AGBL1: variants seen among roughly 807,000 people sequenced by gnomAD.
AGBL1 encodes cytosolic carboxypeptidase 4.
AGBL1 carries 130 observed loss-of-function variants against 118.9 expected under a neutral mutation model. The ratio of observed to expected loss-of-function variants is 1.09; its 90% CI spans 0.95 to 1.26. AGBL1 has a LOEUF of 1.26. Ranked by LOEUF, AGBL1 falls within the 50% of genes most tolerant of loss-of-function variation. The pLI is 0.00. For missense variants in AGBL1, 1,584 were observed against 1,298.1 expected (o/e 1.22, Z -3.38); for synonymous variants, 555 against 478.9 (o/e 1.16, Z -2.08).
intron 24 of AGBL1, among the ~76,000 whole-genome samples, chr15:87,012,775 G>A (rs567657535): frequency 2.0e-5 from 3 of 152,108 alleles, no homozygotes; most frequent in African/African-American, 7.2e-5. Context: ...AATAAAAAGT[G>A]AAACCTGAAA....
At chr15:86,361,065 G>A (rs1228510767) in intron 17 of AGBL1, among the ~76,000 whole-genome samples, 1 of 151,400 alleles carries the variant, frequency 6.6e-6, no homozygotes, top group African/African-American at 2.4e-5. Context: ...ATTTATTTGA[G>A]ATCTTTCTTC....
rs2084140058 is a variant in AGBL1, at chr15:86,579,213, T to C, written c.2994+24676T>C. On this transcript the variant is annotated intron_variant, in intron 21 of 22. Coordinates refer to ENST00000614907, the MANE Select transcript of AGBL1 (RefSeq NM_001386094.1). ...TGGGACAAGCAGTTATTGCATTACGTTGCAAATTTTGTGTCTAAAAAGATC... is the reference window on the plus strand; with the variant it reads ...TGGGACAAGCAGTTATTGCATTACGCTGCAAATTTTGTGTCTAAAAAGATC... Among the ~76,000 whole-genome samples the C allele has an allele frequency of 3.9e-5, 6 of 152,312 alleles. 1 individual carries two copies. In the South Asian group the frequency reaches 1.2e-3, roughly 32 times the overall value.
rs79994825 is a variant in AGBL1, at chr15:86,247,759, C to A, written c.615C>A (p.Asn205Lys). ...ACTGGCACAGCCATGACACAGCCAA[C>A]GCCTACGTGCAGATCCGACGGGGCT... Reference protein sequence around the residue: ...HQDWHSHDTANAYVQIRRGLL... With the variant: ...HQDWHSHDTAKAYVQIRRGLL... The change falls in exon 7 of 23, where the codon AAC (asparagine) becomes AAA (lysine). Residue 205 changes from asparagine to lysine, a missense_variant. Asn to Lys is a moderately conservative substitution (Grantham distance 94, BLOSUM62 0). Transcript: ENST00000614907. 8.7e-6 allele frequency: 14 copies of A among 1,613,794 alleles called. No individual in the cohort carries two copies. The highest frequency in any genetic ancestry group is 1.6e-4 in the Middle Eastern group (1 of 6,084).
chr15:86,344,562 G>C (rs774772045), intron 17 of AGBL1, among the ~76,000 whole-genome samples: 2 of 151,750 alleles, frequency 1.3e-5, no homozygotes, highest in Admixed American at 1.3e-4. Context: ...TAAGAGTGAG[G>C]GCTCTGAGGT....
intron 22 of AGBL1, among the ~76,000 whole-genome samples, chr15:86,881,797 G>T (rs2079895395): frequency 6.6e-6 from 1 of 152,098 alleles, no homozygotes; most frequent in African/African-American, 2.4e-5. Flanking sequence ...CACCACGCCC[G>T]ACTAATTTTT....
chr15:86,829,545 A>T (rs1319982692), intron 22 of AGBL1, among the ~76,000 whole-genome samples: 2 of 152,132 alleles, frequency 1.3e-5, no homozygotes, highest in Non-Finnish European at 2.9e-5. Flanking sequence ...GAAGAGAACC[A>T]CTTGCCATTT....
chr15:86,148,538 T>G (rs1383326320), intron 3 of AGBL1, among the ~76,000 whole-genome samples: 1 of 151,902 alleles, frequency 6.6e-6, no homozygotes, highest in East Asian at 1.9e-4. Flanking sequence ...TGACTGAAGA[T>G]CAAATTAATG....
At chr15:86,282,957 A>G (rs1182381796) in intron 16 of AGBL1, among the ~76,000 whole-genome samples, 1 of 152,214 alleles carries the variant, frequency 6.6e-6, no homozygotes, top group Non-Finnish European at 1.5e-5. Context: ...GAAACTCTCA[A>G]AATTTTTTTA....
chr15:86,723,637 C>G (rs562607319), intron 22 of AGBL1, among the ~76,000 whole-genome samples: 1 of 151,942 alleles, frequency 6.6e-6, no homozygotes, highest in South Asian at 2.1e-4. Flanking sequence ...CACATGTACC[C>G]TAAAACTTAA....
intron 22 of AGBL1, among the ~76,000 whole-genome samples, chr15:86,736,164 C>T (rs538497561): frequency 1.3e-5 from 2 of 152,180 alleles, no homozygotes; most frequent in African/African-American, 2.4e-5. Flanking sequence ...GGGCAGATCA[C>T]GAGGTCAGGA....
downstream of AGBL1, among the ~76,000 whole-genome samples, chr15:87,030,143 G>T (rs1266047991): frequency 2.6e-5 from 4 of 151,968 alleles, no homozygotes; most frequent in African/African-American, 9.7e-5. Flanking sequence ...GGCTGTAGTT[G>T]AAGTCACTAT....
intron 22 of AGBL1, among the ~76,000 whole-genome samples, chr15:86,790,670 A>G (rs1325632383): frequency 6.6e-6 from 1 of 152,182 alleles, no homozygotes; most frequent in East Asian, 1.9e-4. Context: ...AGCATGAAAC[A>G]TGTAATGGAA....
intron 1 of AGBL1, among the ~76,000 whole-genome samples, chr15:86,141,078 G>A (rs1237540204): frequency 1.5e-4 from 23 of 152,180 alleles, no homozygotes; most frequent in Admixed American, 1.5e-3. Context: ...AAGAGCGCTG[G>A]CCTGATTTTG....
At chr15:86,674,739 A>T (rs1178769971) in intron 22 of AGBL1, among the ~76,000 whole-genome samples, 8 of 152,204 alleles carry the variant, frequency 5.3e-5, no homozygotes, top group Non-Finnish European at 1.5e-5. Context: ...TATATTTACC[A>T]GTTATGTGTT....
intron 21 of AGBL1, among the ~76,000 whole-genome samples, chr15:86,619,640 C>T (rs1367322093): frequency 2.6e-5 from 4 of 152,212 alleles, no homozygotes; most frequent in Non-Finnish European, 5.9e-5. Context: ...CAAAATATTG[C>T]ACTCATCCTT....
chr15:86,109,126 CT>C (rs1286038022), intron 1 of AGBL1, among the ~76,000 whole-genome samples: 1 of 152,192 alleles, frequency 6.6e-6, no homozygotes, highest in East Asian at 1.9e-4. Context: ...TCTACTACAA[CT>C]CCTTGGTATA....
In AGBL1 at chr15:86,713,620, A is replaced by G. The variant is rs578116966; in HGVS notation, c.3158+39184A>G. On this transcript the variant is annotated intron_variant, in intron 22 of 22. Transcript: ENST00000614907. The stretch of plus-strand genomic sequence containing the variant: ...GTGATGCTAACTAGGGAGTGATCTA[A>G]TAGAAGACAGAACTGTGCCCCAATA... Among the ~76,000 whole-genome samples, 59 of 152,294 alleles carry G rather than the reference A, an allele frequency of 3.9e-4. 1 individual carries two copies. The South Asian group carries it at 0.012, about 32-fold the overall frequency.
At chr15:86,110,367 A>G (rs564342345) in intron 1 of AGBL1, among the ~76,000 whole-genome samples, 2 of 152,242 alleles carry the variant, frequency 1.3e-5, no homozygotes, top group African/African-American at 4.8e-5. Context: ...TGTATCGTAT[A>G]GTGTATTCTT....
At chr15:86,545,401 A>AT (rs1005822933) in intron 19 of AGBL1, among the ~76,000 whole-genome samples, 1 of 151,812 alleles carries the variant, frequency 6.6e-6, no homozygotes, top group African/African-American at 2.4e-5. Context: ...TTTTATTTTA[A>AT]TTTTTTTTAA....
Sources: gnomAD v4.1 joint callset for allele counts (sites outside exome capture counted in the v4.1 genomes callset) on GRCh38, gnomAD v4.1.1 for gene constraint, MANE v1.5 for transcripts, NCBI Gene and HGNC (gene_info 2026-07-23, HGNC 2026-07-21) for gene names.